The following C1QBP variants were observed in gnomAD, a reference collection of about 807,000 sequenced individuals.
C1QBP encodes complement component 1 Q subcomponent-binding protein, mitochondrial.
A neutral mutation model predicts 29.4 loss-of-function variants in C1QBP; 24 were observed. That is an observed-to-expected ratio of 0.82 (90% CI 0.59 to 1.15). The LOEUF is 1.15. Ranked by LOEUF, C1QBP falls within the 50% of genes most tolerant of loss-of-function variation. The pLI is 0.00. For synonymous variants in C1QBP, 182 were observed against 149.2 expected (o/e 1.22, Z -1.60); for missense variants, 337 against 355.8 (o/e 0.95, Z 0.43).
chr17:5,433,828 G>T, intron 3 of C1QBP, 61 bp from the exon 4 acceptor site: 1 of 1,440,126 alleles, frequency 6.9e-7, no homozygotes, highest in Non-Finnish European at 9.8e-7. Context: ...CTGGATCAAG[G>T]ATCTCTGTTC....
intron 3 of C1QBP, 36 bp from the exon 4 acceptor site, chr17:5,433,803 G>T: frequency 6.4e-7 from 1 of 1,558,202 alleles, no homozygotes; most frequent in Non-Finnish European, 8.9e-7. Flanking sequence ...GCTGCTGCTG[G>T]AAGGAGATGG....
intron 2 of C1QBP, 64 bp downstream of exon 2, chr17:5,438,059 A>T: frequency 6.4e-7 from 1 of 1,562,656 alleles, no homozygotes; most frequent in Non-Finnish European, 8.7e-7. Context: ...TCTGGGGATG[A>T]CCCAGGATGG....
chr17:5,436,047 A>C (rs1294316246), intron 2 of C1QBP, among the ~76,000 whole-genome samples: 2 of 146,184 alleles, frequency 1.4e-5, no homozygotes, highest in Non-Finnish European at 3.0e-5. Context: ...TCTGTCAGAA[A>C]AAAAAAAAAA....
Position 5,439,155 on chromosome 17 carries a change from C to G in C1QBP, c.-82G>C, listed in dbSNP as rs1916360186. 2 of 1,512,520 alleles carry G rather than the reference C, an allele frequency of 1.3e-6. No homozygotes were observed. The highest frequency in any genetic ancestry group is 2.1e-5 in the Admixed American group (1 of 48,778). The allele number at this position is 1,512,520 out of a possible 1,614,324, so 93.7% of individuals were successfully genotyped here. A position where few individuals can be genotyped will look rare whatever the true frequency, so the allele number is the denominator to read the frequency against. Reference sequence around the variant, plus strand: ...CCGCGACCTGAGGCGCCGCCGGAAGCCCCGCCCCTGCCCGGAAGCGCTTCC... The same window carrying G: ...CCGCGACCTGAGGCGCCGCCGGAAGGCCCGCCCCTGCCCGGAAGCGCTTCC... On this transcript the variant is annotated 5_prime_UTR_variant, in exon 1 of 6. Transcript: ENST00000225698.
At chr17:5,434,076 G>A in intron 3 of C1QBP, 1 of 354,536 alleles carries the variant, frequency 2.8e-6, no homozygotes, top group East Asian at 6.7e-5. Flanking sequence ...ACACTGCAAA[G>A]CTTTCCTAAA....
intron 3 of C1QBP, 117 bp downstream of exon 3, chr17:5,434,756 C>A (rs1270189630): frequency 4.7e-6 from 4 of 858,246 alleles, no homozygotes; most frequent in South Asian, 1.7e-5. Flanking sequence ...GTGAGCCATG[C>A]GACTGGACTT....
At position 5,439,010 on chromosome 17, in the gene C1QBP, C is replaced by A; in HGVS notation, c.64G>T (p.Ala22Ser). Residue 22 changes from alanine to serine, a missense_variant, in exon 1 of 6, where the codon GCC becomes TCC. Transcript: ENST00000225698. ...TGCCGGAAAGGCGAGGCGGGCGCGG[C>A]AGCGCGGAGGCCGGCGACGGAGGAG... ...LGSSVAGLRA[A>S]APASPFRQLL... 2.0e-6 allele frequency: 3 copies of A among 1,490,448 alleles called. No homozygotes were observed. The highest frequency in any genetic ancestry group is 1.3e-5 in the South Asian group (1 of 76,226). The allele number at this position is 1,490,448 out of a possible 1,614,324, so 92.3% of individuals were successfully genotyped here. A position where few individuals can be genotyped will look rare whatever the true frequency, so the allele number is the denominator to read the frequency against.
Position 5,432,990 on chromosome 17 carries a change from CTA to C in C1QBP, c.*23_*24del, listed in dbSNP as rs761735807. ...TCACTGGCCAAAGCCTGCCATGAAACTATGGCTTTCAGCATCTGTCTGCTCTA... is the reference window on the plus strand; with the variant it reads ...TCACTGGCCAAAGCCTGCCATGAAACTGGCTTTCAGCATCTGTCTGCTCTA... On this transcript the variant is annotated 3_prime_UTR_variant, in exon 6 of 6. Coordinates refer to ENST00000225698, the MANE Select transcript of C1QBP (RefSeq NM_001212.4). The C allele has an allele frequency of 1.3e-6, 2 of 1,599,850 alleles. No homozygotes were observed. The highest frequency in any genetic ancestry group is 8.5e-7 in the Non-Finnish European group (1 of 1,174,284).
Position 5,433,434 on chromosome 17 carries a change from G to A in C1QBP, c.577-19C>T, listed in dbSNP as rs745352341. 6.2e-7 allele frequency: 1 copy of A among 1,613,870 alleles called. No homozygotes were observed. The highest frequency in any genetic ancestry group is 8.5e-7 in the Non-Finnish European group (1 of 1,180,004). On this transcript the variant is annotated intron_variant, in intron 4 of 5. Transcript: ENST00000225698. ...GTCCAACCTGAGAAGAAACAATATT[G>A]GGAAACTGAAGGGTTCTCCAGGACA...
At chr17:5,435,904 G>A (rs1274040506) in intron 2 of C1QBP, among the ~76,000 whole-genome samples, 5 of 149,670 alleles carry the variant, frequency 3.3e-5, no homozygotes, top group Admixed American at 6.6e-5. Context: ...AAATTAGCTG[G>A]GCGTGGTGGT....
intron 2 of C1QBP, among the ~76,000 whole-genome samples, chr17:5,436,785 C>CAT (rs756707984): frequency 5.5e-4 from 84 of 152,096 alleles, no homozygotes; most frequent in Non-Finnish European, 9.0e-4. Flanking sequence ...TTTGGGAGGC[C>CAT]AAGGCGGGCG....
At position 5,436,747 on chromosome 17, in the gene C1QBP, G is replaced by T. The variant is rs187023638; in HGVS notation, c.383+1376C>A. ...ATTAAAAAGGTAAATAGGGTGGGCA[G>T]GGTGGCTCACACCTGAAATCCCAGC... On this transcript the variant is annotated intron_variant, in intron 2 of 5. Transcript: ENST00000225698. Among the ~76,000 whole-genome samples the T allele has an allele frequency of 1.3e-3, 197 of 147,296 alleles. 3 individuals carry two copies. The East Asian group carries it at 0.015, about 12-fold the overall frequency.
chr17:5,434,780 T>C (rs2151676654), intron 3 of C1QBP, 93 bp downstream of exon 3: 1 of 1,211,266 alleles, frequency 8.3e-7, no homozygotes, highest in Middle Eastern at 2.0e-4. Context: ...GGAATTTTTT[T>C]TTTTTGAAAG....
At chr17:5,433,831 C>G in intron 3 of C1QBP, 64 bp from the exon 4 acceptor site, 3 of 1,418,730 alleles carry the variant, frequency 2.1e-6, no homozygotes, top group Non-Finnish European at 2.0e-6. Flanking sequence ...GATCAAGGAT[C>G]TCTGTTCAGA....
In C1QBP at chr17:5,438,269, G is replaced by A; in HGVS notation, c.237C>T (p.Asp79=). 10 of 1,612,940 alleles carry A rather than the reference G, an allele frequency of 6.2e-6. No individual in the cohort carries two copies. The highest frequency in any genetic ancestry group is 7.6e-6 in the Non-Finnish European group (9 of 1,179,624). Reference sequence around the variant, plus strand: ...CACTCAGGAAATCAACAAAAGCTTTGTCTCCTAGAAAAGAAATCCAGATAC... The same window carrying A: ...CACTCAGGAAATCAACAAAAGCTTTATCTCCTAGAAAAGAAATCCAGATAC... ...CGCGSLHTDG[D]KAFVDFLSDE... The change falls in exon 2 of 6, where the codon GAC becomes GAT. Residue 79 remains aspartate, a synonymous_variant. Coordinates refer to ENST00000225698, the MANE Select transcript of C1QBP (RefSeq NM_001212.4).
At chr17:5,433,861 A>G (rs1916181952) in intron 3 of C1QBP, 94 bp from the exon 4 acceptor site, 3 of 1,037,632 alleles carry the variant, frequency 2.9e-6, no homozygotes, top group Non-Finnish European at 4.6e-6. Context: ...GGCCACCACT[A>G]TTAGGATATT....
chr17:5,438,899 G>A lies in C1QBP; in HGVS notation c.175C>T (p.Leu59=), dbSNP rs1434349915. The A allele has an allele frequency of 1.3e-6, 2 of 1,540,598 alleles. No individual in the cohort carries two copies. Among genetic ancestry groups the A allele is most frequent in the Admixed American group, 2.0e-5 (1 of 50,600 alleles). The change falls in exon 1 of 6, where the codon CTG becomes TTG. Residue 59 remains leucine (L), a synonymous_variant. Transcript: ENST00000225698. ...CAGGCGCAGGGTCCGCGAGGCCGCA[G>A]GAGGCCCGGCCGCCGCTCGGAACCT... is the stretch of plus-strand genomic sequence containing the variant. The part of the protein sequence containing the change: ...RAGSERRPGL[L]RPRGPCACGC...
intron 2 of C1QBP, 40 bp from the exon 3 acceptor site, chr17:5,435,006 A>T (rs1484697627): frequency 8.5e-7 from 1 of 1,180,076 alleles, no homozygotes; most frequent in Admixed American, 2.4e-5. Context: ...AAAACAGACA[A>T]GGCATGGTTT....
intron 2 of C1QBP, among the ~76,000 whole-genome samples, chr17:5,435,382 G>A (rs146396858): frequency 2.6e-5 from 4 of 152,308 alleles, no homozygotes; most frequent in South Asian, 2.1e-4. Flanking sequence ...TGAGAGGCTG[G>A]TGAGATGGAA....
Sources: allele counts gnomAD v4.1 joint callset (sites outside exome capture counted in the v4.1 genomes callset), GRCh38; gene constraint gnomAD v4.1.1; transcripts MANE v1.5; gene names NCBI Gene and HGNC (gene_info 2026-07-23, HGNC 2026-07-21).